Variants in SPMIP8 observed in about 807,000 individuals in gnomAD.
SPMIP8 encodes sperm microtubule inner protein 8, also known as testicular tissue protein Li 196.
chr16:57,978,109 C>A, the SPMIP8 span: 3 of 1,510,556 alleles, frequency 2.0e-6, no homozygotes, highest in Non-Finnish European at 2.7e-6. Context: ...GAGACAGATG[C>A]AAGGATGAAA....
At chr16:57,981,992 G>T in the SPMIP8 span, among the ~76,000 whole-genome samples, 1 of 152,116 alleles carries the variant, frequency 6.6e-6, no homozygotes, top group African/African-American at 2.4e-5. Context: ...GAGACCTCAG[G>T]ATTTTATTTT....
the SPMIP8 span, chr16:57,985,838 G>A: frequency 2.1e-5 from 32 of 1,535,126 alleles, no homozygotes; most frequent in South Asian, 3.8e-4. Flanking sequence ...GGTGGCTCCC[G>A]AGGTCGAGTG....
At chr16:57,985,457 C>T in the SPMIP8 span, 1 of 1,613,898 alleles carries the variant, frequency 6.2e-7, no homozygotes. Flanking sequence ...ACTCACCGCG[C>T]CCCTATCCCT....
chr16:57,987,072 G>A, the SPMIP8 span: 5 of 303,816 alleles, frequency 1.6e-5, no homozygotes, highest in African/African-American at 1.1e-4. Context: ...CAGCCTTCCC[G>A]TCTCCCACAC....
the SPMIP8 span, among the ~76,000 whole-genome samples, chr16:57,981,672 C>T: frequency 3.2e-4 from 48 of 151,432 alleles, no homozygotes; most frequent in Admixed American, 2.8e-3. Flanking sequence ...TGTGCCACTA[C>T]GCCCAGCTGA....
the SPMIP8 span, among the ~76,000 whole-genome samples, chr16:57,983,935 C>G: frequency 0.84 from 128,100 of 151,648 alleles, 54,802 homozygotes; most frequent in African/African-American, 0.94. Flanking sequence ...TTTTGAGACA[C>G]GATCTTGCTC....
chr16:57,976,998 A>G, the SPMIP8 span, among the ~76,000 whole-genome samples: 10 of 152,196 alleles, frequency 6.6e-5, no homozygotes, highest in Admixed American at 6.5e-4. Context: ...TTTCTGAGTC[A>G]ATCTGTAGAA....
the SPMIP8 span, chr16:57,985,088 CGT>C: frequency 8.7e-7 from 1 of 1,143,256 alleles, no homozygotes; most frequent in Non-Finnish European, 1.2e-6. Flanking sequence ...TCTCCGTACA[CGT>C]GTGGGTGGGG....
chr16:57,984,796 G>A, the SPMIP8 span: 1 of 1,607,168 alleles, frequency 6.2e-7, no homozygotes, highest in Admixed American at 1.7e-5. Flanking sequence ...AAGCTGCCTT[G>A]CCTGAGGAAG....
the SPMIP8 span, among the ~76,000 whole-genome samples, chr16:57,985,001 T>A: frequency 6.6e-6 from 1 of 151,938 alleles, no homozygotes; most frequent in East Asian, 1.9e-4. Flanking sequence ...AGGACTGCCC[T>A]TGGGGAGGGG....
chr16:57,985,816 G>A, the SPMIP8 span: 15 of 1,478,458 alleles, frequency 1.0e-5, no homozygotes, highest in Non-Finnish European at 1.4e-5. Flanking sequence ...AGGAGGGATG[G>A]CGGGGAGAGG....
the SPMIP8 span, among the ~76,000 whole-genome samples, chr16:57,979,927 G>A: frequency 0.13 from 19,375 of 152,126 alleles, 1,313 homozygotes; most frequent in East Asian, 0.18. Flanking sequence ...AATTAGCCGG[G>A]CGGGGTGGCG....
At chr16:57,980,773 C>T in the SPMIP8 span, among the ~76,000 whole-genome samples, 1 of 152,194 alleles carries the variant, frequency 6.6e-6, no homozygotes, top group Non-Finnish European at 1.5e-5. Context: ...TGGCTCTTTA[C>T]AGCCTCGACC....
chr16:57,977,846 G>A, the SPMIP8 span: 1 of 1,613,974 alleles, frequency 6.2e-7, no homozygotes, highest in Non-Finnish European at 8.5e-7. Context: ...TGGTGCCCTG[G>A]GACGATGGCT....
chr16:57,979,167 A>T, the SPMIP8 span, among the ~76,000 whole-genome samples: 1 of 152,226 alleles, frequency 6.6e-6, no homozygotes, highest in Non-Finnish European at 1.5e-5. Context: ...TTTAGCAGAT[A>T]AAGTCAACAG....
chr16:57,984,731 C>T, the SPMIP8 span: 1 of 1,604,338 alleles, frequency 6.2e-7, no homozygotes, highest in East Asian at 2.2e-5. Flanking sequence ...ACTGGCCCTG[C>T]TTCACGCGCG....
the SPMIP8 span, chr16:57,985,492 G>A: frequency 0.83 from 1,331,262 of 1,613,274 alleles, 554,558 homozygotes; most frequent in African/African-American, 0.94. Context: ...TACTGCCTCA[G>A]CCAGAACCCC....
the SPMIP8 span, chr16:57,978,114 A>G: frequency 2.0e-6 from 3 of 1,495,008 alleles, no homozygotes; most frequent in Non-Finnish European, 2.7e-6. Flanking sequence ...AGATGCAAGG[A>G]TGAAAGAGGC....
At chr16:57,979,031 C>T in the SPMIP8 span, among the ~76,000 whole-genome samples, 1 of 152,202 alleles carries the variant, frequency 6.6e-6, no homozygotes, top group Non-Finnish European at 1.5e-5. Context: ...GAGAGAAAGA[C>T]CTCTCCTCAC....
Sources: allele counts gnomAD v4.1 joint callset (sites outside exome capture counted in the v4.1 genomes callset), GRCh38; gene constraint gnomAD v4.1.1; transcripts MANE v1.5; gene names NCBI Gene and HGNC (gene_info 2026-07-23, HGNC 2026-07-21).